Variants in CNKSR1 observed in about 807,000 individuals in gnomAD.
CNKSR1 encodes CNK homolog protein 1.
In CNKSR1, 88 loss-of-function variants were observed where a neutral mutation model predicts 95.6. The ratio of observed to expected loss-of-function variants is 0.92; its 90% CI spans 0.78 to 1.10. CNKSR1 has a LOEUF of 1.10. Ranked by LOEUF, CNKSR1 falls within the 50% of genes least tolerant of loss-of-function variation. The pLI is 0.00. For missense variants in CNKSR1, 836 were observed against 912.0 expected (o/e 0.92, Z 1.07); for synonymous variants, 355 against 369.7 (o/e 0.96, Z 0.46).
chr1:26,184,474 A>G lies in CNKSR1; in HGVS notation c.1074A>G (p.Ala358=). The G allele has an allele frequency of 6.2e-7, 1 of 1,612,892 alleles. No individual in the cohort carries two copies. Among genetic ancestry groups the G allele is most frequent in the Non-Finnish European group, 8.5e-7 (1 of 1,179,544 alleles). The stretch of plus-strand genomic sequence containing the variant: ...CAGCCATACTCCCAGCAGGGGTAGC[A>G]GGGACTCCAGGGCTCCCTGAATCCC... The part of the protein sequence containing the change: ...EPPAILPAGV[A]GTPGLPESPD... The change falls in exon 12 of 21, where the codon GCA becomes GCG. Residue 358 remains alanine (A), a synonymous_variant. Coordinates refer to ENST00000361530, the MANE Select transcript of CNKSR1 (RefSeq NM_006314.3).
intron 13 of CNKSR1, 47 bp from the exon 14 acceptor site, chr1:26,184,967 G>T (rs1435789995): frequency 5.2e-6 from 8 of 1,540,380 alleles, no homozygotes; most frequent in African/African-American, 2.7e-5. Flanking sequence ...TTTAGCGGGG[G>T]CACCTTGCCA....
chr1:26,180,090 T>C (rs1180408250), intron 1 of CNKSR1: 5 of 338,902 alleles, frequency 1.5e-5, no homozygotes, highest in Non-Finnish European at 2.8e-5. Context: ...GAGCCGTGAC[T>C]GTGTCTCAAG....
chr1:26,177,640 G>A (rs755646839), intron 1 of CNKSR1, 41 bp downstream of exon 1: 3 of 1,608,776 alleles, frequency 1.9e-6, no homozygotes, highest in Non-Finnish European at 2.6e-6. Context: ...AAGGGGACTA[G>A]GTGTGGTGTC....
chr1:26,188,808 G>A lies in CNKSR1; in HGVS notation c.1727G>A (p.Gly576Glu). The stretch of plus-strand genomic sequence containing the variant: ...GAGGCACTGGAAGGAATGGTACGGG[G>A]GCTGAGGCAGGGTGGCGTGTCCCTC... ...SEEALEGMVR[G>E]LRQGGVSLLG... The change falls in exon 20 of 21, where the codon GGG (glycine) becomes GAG (glutamate). Residue 576 changes from glycine (G) to glutamate (E), a missense_variant. Transcript: ENST00000361530. 1 of 1,612,678 alleles carries A rather than the reference G, an allele frequency of 6.2e-7. No homozygotes were observed. The highest frequency in any genetic ancestry group is 8.5e-7 in the Non-Finnish European group (1 of 1,179,336).
At chr1:26,182,329 G>T (rs1328439284) in intron 4 of CNKSR1, 32 bp from the exon 5 acceptor site, 1 of 1,613,438 alleles carries the variant, frequency 6.2e-7, no homozygotes, top group East Asian at 2.2e-5. Context: ...CCTTGCTCAG[G>T]GGAGGCCCCT....
In CNKSR1 at chr1:26,184,586, G is replaced by A; in HGVS notation, c.1109G>A (p.Ser370Asn). 6.2e-7 allele frequency: 1 copy of A among 1,607,636 alleles called. No homozygotes were observed. The highest frequency in any genetic ancestry group is 8.5e-7 in the Non-Finnish European group (1 of 1,177,294). The change falls in exon 13 of 21, where the codon AGT (serine) becomes AAT (asparagine). Residue 370 changes from serine (S) to asparagine (N), a missense_variant and splice_region_variant. Ser to Asn is a conservative substitution (Grantham distance 46). Coordinates refer to ENST00000361530, the MANE Select transcript of CNKSR1 (RefSeq NM_006314.3). The part of the protein sequence containing the change: ...TPGLPESPDK[S>N]PVGRKKSKGL... ...CTCACCCTTCTGCTGTCCTTTCAGAGTCCTGTTGGTCGGAAGAAATCAAAA... is the reference window on the plus strand; with the variant it reads ...CTCACCCTTCTGCTGTCCTTTCAGAATCCTGTTGGTCGGAAGAAATCAAAA...
chr1:26,184,535 G>A, intron 12 of CNKSR1, 28 bp downstream of exon 12: 1 of 1,606,944 alleles, frequency 6.2e-7, no homozygotes, highest in Non-Finnish European at 8.5e-7. Context: ...GCAAGGGGGT[G>A]GGTGGGTCTG....
At chr1:26,187,323 G>A in intron 15 of CNKSR1, 82 bp downstream of exon 15, 1 of 1,591,918 alleles carries the variant, frequency 6.3e-7, no homozygotes, top group Non-Finnish European at 8.6e-7. Flanking sequence ...GGGAGGTGTG[G>A]CAAGTGGCTG....
At chr1:26,189,196 G>C (rs953837059) in intron 20 of CNKSR1, 83 bp from the exon 21 acceptor site, 4 of 1,544,814 alleles carry the variant, frequency 2.6e-6, no homozygotes, top group African/African-American at 2.7e-5. Flanking sequence ...TCCAGGCACC[G>C]GACCTCCGGA....
Position 26,189,392 on chromosome 1 carries a change from G to A in CNKSR1, c.1986G>A (p.Leu662=), listed in dbSNP as rs371562388. The change falls in exon 21 of 21, where the codon CTG becomes CTA. Residue 662 remains leucine (L), a synonymous_variant. Coordinates refer to ENST00000361530, the MANE Select transcript of CNKSR1 (RefSeq NM_006314.3). ...EQNRELYSEG[L]GAWGVAQAEG... ...ACCGGGAGCTGTACTCAGAGGGCCT[G>A]GGGGCCTGGGGAGTGGCACAGGCTG... The A allele has an allele frequency of 2.7e-5, 44 of 1,613,818 alleles. No individual in the cohort carries two copies. In the African/African-American group the frequency reaches 5.3e-4, roughly 20 times the overall value.
chr1:26,184,073 G>GCCC lies in CNKSR1; in HGVS notation c.861_863dup (p.Pro288dup). 1.2e-6 allele frequency: 2 copies of GCCC among 1,604,802 alleles called. No individual in the cohort carries two copies. Among genetic ancestry groups the GCCC allele is most frequent in the African/African-American group, 2.8e-5 (2 of 71,680 alleles). On this transcript the variant is annotated inframe_insertion, in exon 10 of 21. Coordinates refer to ENST00000361530, the MANE Select transcript of CNKSR1 (RefSeq NM_006314.3). ...CTTTGTTCCTGGTTGTTCCCCAGAC[G>GCCC]CCCCCTCAGGTCCTGGACTCCCCGC...
In CNKSR1 at chr1:26,182,052, G is replaced by A. The variant is rs183709159; in HGVS notation, c.477+111G>A. The stretch of plus-strand genomic sequence containing the variant: ...ATCGAGTATGAGGATTGAGACGGGC[G>A]AGAAAGGAGGAGAGGAGGCCCTGCC... On this transcript the variant is annotated intron_variant, in intron 4 of 20. Transcript: ENST00000361530. The A allele has an allele frequency of 3.5e-4, 367 of 1,046,216 alleles. 6 individuals carry two copies. The highest frequency in any genetic ancestry group is 3.5e-3 in the South Asian group (273 of 78,074). The allele number at this position is 1,046,216 out of a possible 1,614,324, so 64.8% of individuals were successfully genotyped here. A position where few individuals can be genotyped will look rare whatever the true frequency, so the allele number is the denominator to read the frequency against.
intron 13 of CNKSR1, 118 bp from the exon 14 acceptor site, chr1:26,184,896 C>G: frequency 9.2e-7 from 1 of 1,089,856 alleles, no homozygotes; most frequent in East Asian, 2.6e-5. Flanking sequence ...ATGTAGCATT[C>G]TGAGCAGAGT....
intron 3 of CNKSR1, 57 bp downstream of exon 3, chr1:26,180,953 G>A (rs1201314868): frequency 1.2e-6 from 2 of 1,601,488 alleles, no homozygotes; most frequent in Admixed American, 3.3e-5. Flanking sequence ...CTCCTTCAGG[G>A]CGTGGGAGAG....
rs2124507227 is a variant in CNKSR1, at chr1:26,180,186, G to C, written c.53-267G>C. 2 of 532,752 alleles carry C rather than the reference G, an allele frequency of 3.8e-6. 1 individual carries two copies. The highest frequency in any genetic ancestry group is 6.3e-5 in the Admixed American group (2 of 31,742). The allele number at this position is 532,752 out of a possible 1,614,324, so 33.0% of individuals were successfully genotyped here. ...TCAGAGTTTCTGATTCAGCAGGTGT[G>C]GGGTGAGGCCTGATAATTTGCATTT... On this transcript the variant is annotated intron_variant, in intron 1 of 20. Coordinates refer to ENST00000361530, the MANE Select transcript of CNKSR1 (RefSeq NM_006314.3).
rs376220242 is a variant in CNKSR1, at chr1:26,180,477, A to G, written c.77A>G (p.Tyr26Cys). 1 of 1,613,962 alleles carries G rather than the reference A, an allele frequency of 6.2e-7. No individual in the cohort carries two copies. Among genetic ancestry groups the G allele is most frequent in the Non-Finnish European group, 8.5e-7 (1 of 1,180,038 alleles). ...GGTCTTGACGACTCCCTGCAGGACT[A>G]TCCCTTTGAGGACTGGCAGCTGCCT... ...LRGLDDSLQD[Y>C]PFEDWQLPGK... Residue 26 changes from tyrosine (Y) to cysteine (C), a missense_variant, in exon 2 of 21, where the codon TAT becomes TGT. By Grantham distance (194) the Tyr-to-Cys change is radical (BLOSUM62 -2). Transcript: ENST00000361530.
chr1:26,188,622 C>T lies in CNKSR1; in HGVS notation c.1615C>T (p.Pro539Ser). The change falls in exon 19 of 21, where the codon CCC (proline) becomes TCC (serine). Residue 539 changes from proline to serine, a missense_variant. By Grantham distance (74) the Pro-to-Ser change is moderately conservative. Transcript: ENST00000361530. Reference sequence around the variant, plus strand: ...GCCCAGCCCTGCTCAAGCTGGGAGTCCCCTCCATGGAGACACATCACCTGC... The same window carrying T: ...GCCCAGCCCTGCTCAAGCTGGGAGTTCCCTCCATGGAGACACATCACCTGC... ...ASPSPAQAGS[P>S]LHGDTSPAAT... The T allele has an allele frequency of 6.2e-7, 1 of 1,613,850 alleles. No individual in the cohort carries two copies. Among genetic ancestry groups the T allele is most frequent in the Non-Finnish European group, 8.5e-7 (1 of 1,179,892 alleles).
chr1:26,185,787 C>T (rs193048814), intron 14 of CNKSR1, among the ~76,000 whole-genome samples: 13 of 151,894 alleles, frequency 8.6e-5, no homozygotes, highest in Admixed American at 6.6e-4. Flanking sequence ...TGCTTCAGCC[C>T]GCCAGAATGC....
chr1:26,189,151 T>G, intron 20 of CNKSR1, 128 bp from the exon 21 acceptor site: 4 of 1,334,354 alleles, frequency 3.0e-6, no homozygotes, highest in Non-Finnish European at 4.3e-6. Context: ...GAGTCTCACC[T>G]AGGCTCCTCG....
Sources: gnomAD v4.1 joint callset for allele counts (sites outside exome capture counted in the v4.1 genomes callset) on GRCh38, gnomAD v4.1.1 for gene constraint, MANE v1.5 for transcripts, NCBI Gene and HGNC (gene_info 2026-07-23, HGNC 2026-07-21) for gene names.